COL4A1: variants seen among roughly 807,000 people sequenced by gnomAD.
The protein encoded by COL4A1 is collagen type IV alpha 1 chain, also known as collagen alpha-1(IV) chain.
COL4A1 carries 40 observed loss-of-function variants against 216.6 expected under a neutral mutation model. That is an observed-to-expected ratio of 0.18 (90% CI 0.14 to 0.24). The LOEUF (loss-of-function observed/expected upper bound fraction) is 0.24, where lower values mean the gene tolerates loss of function less well. Ranked by LOEUF, COL4A1 falls within the 10% of genes least tolerant of loss-of-function variation. The pLI is 1.00. For missense variants in COL4A1, 1,628 were observed against 2,196.8 expected (o/e 0.74, Z 5.18); for synonymous variants, 839 against 810.7 (o/e 1.03, Z -0.59).
At chr13:110,233,811 A>G (rs1881176608) in intron 2 of COL4A1, among the ~76,000 whole-genome samples, 1 of 152,108 alleles carries the variant, frequency 6.6e-6, no homozygotes, top group Non-Finnish European at 1.5e-5. Flanking sequence ...TACAAACACT[A>G]CCTAATGGCC....
At chr13:110,170,211 G>C (rs1215902193) in intron 42 of COL4A1, among the ~76,000 whole-genome samples, 6 of 152,092 alleles carry the variant, frequency 3.9e-5, no homozygotes, top group Non-Finnish European at 7.4e-5. Context: ...TGGTGCCCGG[G>C]CATCTGTGCT....
chr13:110,270,693 T>C (rs1336144237), intron 1 of COL4A1, among the ~76,000 whole-genome samples: 3 of 152,112 alleles, frequency 2.0e-5, no homozygotes, highest in Non-Finnish European at 4.4e-5. Flanking sequence ...ACACGTGCCA[T>C]GGCTGGGGGC....
chr13:110,301,320 G>A (rs1007230293), intron 1 of COL4A1, among the ~76,000 whole-genome samples: 2 of 152,214 alleles, frequency 1.3e-5, no homozygotes, highest in African/African-American at 2.4e-5. Flanking sequence ...CCTCCTCTGT[G>A]TCGGGCACTC....
At chr13:110,182,293 A>C (rs1378488077) in intron 28 of COL4A1, among the ~76,000 whole-genome samples, 5 of 152,190 alleles carry the variant, frequency 3.3e-5, no homozygotes, top group African/African-American at 1.2e-4. Flanking sequence ...GTGAGGGTGG[A>C]TGGGGCCTGG....
intron 2 of COL4A1, among the ~76,000 whole-genome samples, 181 bp from the exon 3 acceptor site, chr13:110,214,196 T>C (rs1037441399): frequency 6.6e-6 from 1 of 152,142 alleles, no homozygotes; most frequent in African/African-American, 2.4e-5. Context: ...AGTCAAGGGA[T>C]TCTCCTGCCT....
intron 1 of COL4A1, among the ~76,000 whole-genome samples, chr13:110,260,241 C>A (rs866822541): frequency 6.6e-6 from 1 of 152,148 alleles, no homozygotes; most frequent in Non-Finnish European, 1.5e-5. Flanking sequence ...TCTTACATGG[C>A]GGCAGGCTAG....
At chr13:110,160,102 ATGTT>A (rs1410929191) in intron 49 of COL4A1, among the ~76,000 whole-genome samples, 1 of 152,204 alleles carries the variant, frequency 6.6e-6, no homozygotes, top group African/African-American at 2.4e-5. Context: ...AAGATGGTAA[ATGTT>A]ATGTTATGTC....
rs925978587 is a variant in COL4A1, at chr13:110,173,787, T to C, written c.3505+113A>G. The C allele has an allele frequency of 7.5e-6, 9 of 1,199,636 alleles. No individual in the cohort carries two copies. In the African/African-American group the frequency reaches 1.2e-4, roughly 16 times the overall value. 74.3% of individuals were successfully genotyped at this position (1,199,636 alleles called of 1,614,324 possible). A position where few individuals can be genotyped will look rare whatever the true frequency, so the allele number is the denominator to read the frequency against. ...CAGTGTTTAAGTAGTTGCAGGGATG[T>C]GCAGTCTAGGGGCCATTCTGTGCCC... is the stretch of plus-strand genomic sequence containing the variant. On this transcript the variant is annotated intron_variant, in intron 40 of 51. Coordinates refer to ENST00000375820, the MANE Select transcript of COL4A1 (RefSeq NM_001845.6).
chr13:110,263,056 G>A (rs917362497), intron 1 of COL4A1, among the ~76,000 whole-genome samples: 2 of 152,160 alleles, frequency 1.3e-5, no homozygotes, highest in Non-Finnish European at 2.9e-5. Flanking sequence ...GGTCTAGCTG[G>A]CTGAACCCTG....
chr13:110,170,223 C>A (rs893845296), intron 42 of COL4A1, among the ~76,000 whole-genome samples: 3 of 152,176 alleles, frequency 2.0e-5, no homozygotes, highest in Non-Finnish European at 2.9e-5. Flanking sequence ...ATCTGTGCTA[C>A]CACTACGGGG....
chr13:110,217,051 G>A (rs534483486), intron 2 of COL4A1, among the ~76,000 whole-genome samples: 1 of 152,130 alleles, frequency 6.6e-6, no homozygotes, highest in Non-Finnish European at 1.5e-5. Flanking sequence ...CATGGTTCTT[G>A]CCATTCCCCA....
At chr13:110,206,614 C>T (rs766913775) in intron 15 of COL4A1, 51 bp downstream of exon 15, 16 of 1,590,546 alleles carry the variant, frequency 1.0e-5, no homozygotes, top group East Asian at 4.5e-5. Context: ...TGCGATTTTC[C>T]GCATGGAAGG....
At chr13:110,202,219 A>G (rs1255227253) in intron 18 of COL4A1, among the ~76,000 whole-genome samples, 2 of 149,248 alleles carry the variant, frequency 1.3e-5, no homozygotes, top group Non-Finnish European at 3.0e-5. Context: ...TTTACAACGT[A>G]TTATGAGAGG....
intron 1 of COL4A1, among the ~76,000 whole-genome samples, chr13:110,244,723 G>A (rs951164709): frequency 1.3e-5 from 2 of 152,052 alleles, no homozygotes; most frequent in African/African-American, 2.4e-5. Context: ...GTGTCTCCCC[G>A]GTACACCCTG....
At chr13:110,185,206 C>T (rs638634) in intron 26 of COL4A1, among the ~76,000 whole-genome samples, 40,254 of 151,926 alleles carry the variant, frequency 0.26, 5,779 homozygotes, top group Admixed American at 0.32. Flanking sequence ...AGTGCAGTGG[C>T]GAGATCTTGG....
At chr13:110,226,838 TTGGTTTTAAAAC>T (rs1224915325) in intron 2 of COL4A1, among the ~76,000 whole-genome samples, 1 of 152,258 alleles carries the variant, frequency 6.6e-6, no homozygotes, top group African/African-American at 2.4e-5. Flanking sequence ...GCTTAAAATC[TTGGTTTTAAAAC>T]TGAATAGATA....
At chr13:110,208,088 C>T (rs1269782830) in intron 12 of COL4A1, among the ~76,000 whole-genome samples, 1 of 152,234 alleles carries the variant, frequency 6.6e-6, no homozygotes, top group South Asian at 2.1e-4. Flanking sequence ...TTGCCTCCAC[C>T]AGCTTGGATG....
intron 1 of COL4A1, among the ~76,000 whole-genome samples, chr13:110,286,568 G>A (rs1883852533): frequency 6.6e-6 from 1 of 152,186 alleles, no homozygotes; most frequent in South Asian, 2.1e-4. Context: ...CCACCAGCTG[G>A]GATACAGAGG....
chr13:110,184,198 G>C (rs1416073880), intron 26 of COL4A1, among the ~76,000 whole-genome samples: 2 of 152,182 alleles, frequency 1.3e-5, no homozygotes, highest in African/African-American at 4.8e-5. Context: ...CAGCTGTGGG[G>C]AGAGAGGATC....
Sources: gnomAD v4.1 joint callset for allele counts (sites outside exome capture counted in the v4.1 genomes callset) on GRCh38, gnomAD v4.1.1 for gene constraint, MANE v1.5 for transcripts, NCBI Gene and HGNC (gene_info 2026-07-23, HGNC 2026-07-21) for gene names.